The following COLQ variants were observed in gnomAD, a reference collection of about 807,000 sequenced individuals.
The protein encoded by COLQ is collagen like tail subunit of asymmetric acetylcholinesterase.
COLQ carries 48 observed loss-of-function variants against 69.0 expected under a neutral mutation model. The ratio of observed to expected loss-of-function variants is 0.70; its 90% CI spans 0.55 to 0.88. The LOEUF (loss-of-function observed/expected upper bound fraction) is 0.88. COLQ is among the 40% of genes least tolerant of loss of function. The pLI is 0.00. For synonymous variants in COLQ, 217 were observed against 211.2 expected (o/e 1.03, Z -0.24); for missense variants, 618 against 594.6 (o/e 1.04, Z -0.41).
intron 1 of COLQ, among the ~76,000 whole-genome samples, chr3:15,497,451 A>G (rs2062762119): frequency 6.6e-6 from 1 of 152,018 alleles, no homozygotes; most frequent in Admixed American, 6.6e-5. Flanking sequence ...GGAAATAGCC[A>G]TTTCCATTTC....
chr3:15,488,508 A>G (rs945524131), intron 2 of COLQ, among the ~76,000 whole-genome samples: 3 of 152,074 alleles, frequency 2.0e-5, no homozygotes, highest in African/African-American at 7.2e-5. Context: ...CCTGGCTTGT[A>G]TGGATTACAG....
At chr3:15,456,254 GCT>G (rs2062023911) in intron 14 of COLQ, among the ~76,000 whole-genome samples, 1 of 152,158 alleles carries the variant, frequency 6.6e-6, no homozygotes, top group East Asian at 1.9e-4. Flanking sequence ...TGGAACCCTG[GCT>G]CAGAGAGGGG....
intron 12 of COLQ, among the ~76,000 whole-genome samples, chr3:15,459,107 G>A (rs1264902803): frequency 1.3e-5 from 2 of 152,166 alleles, no homozygotes; most frequent in African/African-American, 4.8e-5. Flanking sequence ...GCCTCCCAAA[G>A]TGCTGGGATT....
intron 1 of COLQ, among the ~76,000 whole-genome samples, chr3:15,500,864 T>C (rs2062820813): frequency 6.6e-6 from 1 of 152,232 alleles, no homozygotes; most frequent in Admixed American, 6.5e-5. Flanking sequence ...CCCTGGTCTT[T>C]AGCCCTGGCA....
chr3:15,465,833 G>A (rs910799693), intron 12 of COLQ, among the ~76,000 whole-genome samples: 2 of 149,678 alleles, frequency 1.3e-5, no homozygotes, highest in Admixed American at 1.3e-4. Flanking sequence ...TCAAACTCCT[G>A]ACCTCAAGTG....
intron 3 of COLQ, among the ~76,000 whole-genome samples, chr3:15,485,233 T>A (rs1448271177): frequency 1.3e-5 from 2 of 152,102 alleles, no homozygotes; most frequent in Non-Finnish European, 2.9e-5. Flanking sequence ...GAAGAGCAAA[T>A]GTTGCTGCCT....
intron 7 of COLQ, 148 bp downstream of exon 7, chr3:15,475,277 C>T (rs2062360358): frequency 1.2e-6 from 1 of 819,420 alleles, no homozygotes; most frequent in Non-Finnish European, 2.0e-6. Flanking sequence ...ATGATGTTCT[C>T]CAAAGGGCTG....
chr3:15,453,891 C>G lies in COLQ; in HGVS notation c.1236G>C (p.Glu412Asp). The change falls in exon 16 of 17, where the codon GAG (glutamate) becomes GAC (aspartate). Residue 412 changes from glutamate to aspartate, a missense_variant. Transcript: ENST00000383788. ...CAGAGCCGTCACAGTCCTCCACACC[C>G]TCATGCCGGTGACCATCTCCACAGT... ...RAYCGDGHRH[E>D]GVEDCDGSDF... 6.2e-7 allele frequency: 1 copy of G among 1,611,912 alleles called. No homozygotes were observed. The highest frequency in any genetic ancestry group is 8.5e-7 in the Non-Finnish European group (1 of 1,179,018).
chr3:15,475,575 T>G (rs1278615175), intron 6 of COLQ, 88 bp from the exon 7 acceptor site: 2 of 1,285,428 alleles, frequency 1.6e-6, no homozygotes, highest in South Asian at 2.5e-5. Flanking sequence ...GGGAAGGAAC[T>G]GGGGATATCA....
chr3:15,490,225 C>T (rs929279366), intron 1 of COLQ, among the ~76,000 whole-genome samples: 3 of 152,154 alleles, frequency 2.0e-5, no homozygotes, highest in Non-Finnish European at 2.9e-5. Context: ...AAGGGAGGGC[C>T]CTGAACCTTT....
chr3:15,509,915 G>A (rs1369309633), intron 1 of COLQ, among the ~76,000 whole-genome samples: 1 of 152,186 alleles, frequency 6.6e-6, no homozygotes, highest in East Asian at 1.9e-4. Context: ...GCTCACGCCT[G>A]TAATCCCAGC....
rs763036328 is a variant in COLQ, at chr3:15,489,569, G to A, written c.175C>T (p.Pro59Ser). Residue 59 changes from proline (P) to serine (S), a missense_variant, in exon 2 of 17, where the codon CCA (proline) becomes TCA (serine). Physicochemically the swap from Pro to Ser is moderately conservative, Grantham distance 74. Coordinates refer to ENST00000383788, the MANE Select transcript of COLQ (RefSeq NM_005677.4). ...KACCLLTPPPPPLFPPPFFRG... is the reference protein window; with the variant it reads ...KACCLLTPPPSPLFPPPFFRG... ...AAGAATGGTGGTGGGAACAGTGGTG[G>A]TGGAGGAGGCGTCAGCAGGCAGCAT... The A allele has an allele frequency of 7.4e-6, 12 of 1,614,240 alleles. No individual in the cohort carries two copies. In the East Asian group the frequency reaches 2.2e-4, roughly 30 times the overall value.
chr3:15,458,544 C>A (rs924956427), intron 12 of COLQ, among the ~76,000 whole-genome samples: 1 of 152,182 alleles, frequency 6.6e-6, no homozygotes, highest in Non-Finnish European at 1.5e-5. Flanking sequence ...CTCCTTCCTG[C>A]CTTGAAGACA....
intron 16 of COLQ, among the ~76,000 whole-genome samples, chr3:15,452,310 G>GC (rs1224684304): frequency 6.6e-6 from 1 of 152,102 alleles, no homozygotes; most frequent in Non-Finnish European, 1.5e-5. Flanking sequence ...CAGGTGACCT[G>GC]CCCGCCTTGG....
chr3:15,478,948 T>G, intron 5 of COLQ, 29 bp downstream of exon 5: 1 of 1,614,122 alleles, frequency 6.2e-7, no homozygotes, highest in South Asian at 1.1e-5. Flanking sequence ...GACGCTCATG[T>G]GACACTCACA....
At position 15,458,265 on chromosome 3, in the gene COLQ, A is replaced by G; in HGVS notation, c.875T>C (p.Leu292Pro). 8 of 1,614,174 alleles carry G rather than the reference A, an allele frequency of 5.0e-6. No homozygotes were observed. The highest frequency in any genetic ancestry group is 5.9e-6 in the Non-Finnish European group (7 of 1,180,020). The change falls in exon 13 of 17, where the codon CTT (leucine) becomes CCT (proline). Residue 292 changes from leucine to proline, a missense_variant. Physicochemically the swap from Leu to Pro is moderately conservative, Grantham distance 98. Transcript: ENST00000383788. ...ATTCACATTCATAGTGGGTCCACAA[A>G]GACATCTTCCTGGAGGCCCGGGAAA... Reference protein sequence around the residue: ...RGFPGPPGRCLCGPTMNVNNP... With the variant: ...RGFPGPPGRCPCGPTMNVNNP...
chr3:15,456,408 G>C lies in COLQ; in HGVS notation c.1074+52C>G, dbSNP rs932015384. On this transcript the variant is annotated intron_variant, in intron 14 of 16. Coordinates refer to ENST00000383788, the MANE Select transcript of COLQ (RefSeq NM_005677.4). ...GTGGCCTTCCCTTCCTTTAATGGAT[G>C]CATCTCTCTCCTGGGCAGGGAGTAT... 1.6e-5 allele frequency: 26 copies of C among 1,609,104 alleles called. No homozygotes were observed. The African/African-American group carries it at 2.9e-4, about 18-fold the overall frequency.
intron 1 of COLQ, among the ~76,000 whole-genome samples, chr3:15,521,023 A>C (rs1402450099): frequency 2.0e-5 from 3 of 149,956 alleles, no homozygotes; most frequent in African/African-American, 7.4e-5. Flanking sequence ...CCCCCACCCC[A>C]CCGGCCCCTG....
At chr3:15,458,095 G>T in intron 13 of COLQ, 91 bp downstream of exon 13, 1 of 1,467,376 alleles carries the variant, frequency 6.8e-7, no homozygotes, top group Non-Finnish European at 9.5e-7. Flanking sequence ...AAAAAAGTTA[G>T]TTTTACTGAA....
Sources: gnomAD v4.1 joint callset for allele counts (sites outside exome capture counted in the v4.1 genomes callset) on GRCh38, gnomAD v4.1.1 for gene constraint, MANE v1.5 for transcripts, NCBI Gene and HGNC (gene_info 2026-07-23, HGNC 2026-07-21) for gene names.